GRID1: variants seen among roughly 807,000 people sequenced by gnomAD.
GRID1 encodes the protein glutamate ionotropic receptor delta type subunit 1.
In GRID1, 28 loss-of-function variants were observed where a neutral mutation model predicts 98.0. The observed-to-expected ratio is 0.29, with a 90% CI of 0.21 to 0.39. GRID1 has a LOEUF of 0.39. Ranked by LOEUF, GRID1 falls within the 10% of genes least tolerant of loss-of-function variation. The probability of loss-of-function intolerance (pLI) is 1.00; values close to 1 mark genes in which losing one functional copy is unlikely to be tolerated. For synonymous variants in GRID1, 553 were observed against 538.5 expected (o/e 1.03, Z -0.37); for missense variants, 1,111 against 1,340.5 (o/e 0.83, Z 2.67).
intron 2 of GRID1, among the ~76,000 whole-genome samples, chr10:86,262,056 G>GT (rs763801782): frequency 2.0e-5 from 3 of 152,196 alleles, no homozygotes; most frequent in Non-Finnish European, 4.4e-5. Context: ...TGTGTCCAGC[G>GT]TAACACAGCC....
chr10:86,188,038 A>C (rs1845749997), intron 3 of GRID1, among the ~76,000 whole-genome samples: 1 of 152,206 alleles, frequency 6.6e-6, no homozygotes, highest in Admixed American at 6.5e-5. Flanking sequence ...TGCCCTGTCC[A>C]TCCTCTGCAG....
At chr10:85,684,643 T>C (rs1841248280) in intron 12 of GRID1, among the ~76,000 whole-genome samples, 3 of 152,156 alleles carry the variant, frequency 2.0e-5, no homozygotes, top group Admixed American at 2.0e-4. Flanking sequence ...AATGGCAAAA[T>C]ACTAAAAGCT....
At chr10:86,338,160 T>C (rs1023953677) in intron 2 of GRID1, among the ~76,000 whole-genome samples, 4 of 152,146 alleles carry the variant, frequency 2.6e-5, no homozygotes, top group Non-Finnish European at 5.9e-5. Flanking sequence ...CCATCCCTGG[T>C]AACACTCATT....
intron 8 of GRID1, among the ~76,000 whole-genome samples, chr10:85,771,393 G>T (rs894703557): frequency 6.6e-6 from 1 of 152,050 alleles, no homozygotes; most frequent in African/African-American, 2.4e-5. Context: ...GACCATCGAG[G>T]CTAGGAAGAA....
chr10:85,879,490 T>G (rs1840965503), intron 5 of GRID1, among the ~76,000 whole-genome samples: 2 of 152,198 alleles, frequency 1.3e-5, no homozygotes, highest in South Asian at 2.1e-4. Flanking sequence ...CTGAACTACA[T>G]GGAAACTGAA....
intron 2 of GRID1, among the ~76,000 whole-genome samples, chr10:86,333,428 A>T (rs1279172006): frequency 6.6e-6 from 1 of 152,234 alleles, no homozygotes; most frequent in African/African-American, 2.4e-5. Flanking sequence ...GAACATTTTG[A>T]GGAAAGGAGT....
intron 15 of GRID1, among the ~76,000 whole-genome samples, chr10:85,611,480 A>G (rs1326260726): frequency 6.6e-6 from 1 of 151,964 alleles, no homozygotes; most frequent in East Asian, 1.9e-4. Flanking sequence ...CCACCTGGAG[A>G]CCCTCCCCTG....
intron 4 of GRID1, among the ~76,000 whole-genome samples, chr10:85,975,780 G>GCT (rs142038661): frequency 2.6e-5 from 4 of 152,110 alleles, no homozygotes; most frequent in African/African-American, 4.8e-5. Context: ...TCAAGGTCAA[G>GCT]CTCTCTCTCT....
chr10:85,747,317 T>C (rs1842006839), intron 8 of GRID1, among the ~76,000 whole-genome samples: 1 of 152,004 alleles, frequency 6.6e-6, no homozygotes, highest in Non-Finnish European at 1.5e-5. Context: ...GAAGAAGGAA[T>C]AAAAGAGAAA....
intron 3 of GRID1, among the ~76,000 whole-genome samples, chr10:86,191,205 C>G (rs1845798359): frequency 6.6e-6 from 1 of 152,124 alleles, no homozygotes. Flanking sequence ...GGCCCAGTAA[C>G]CTGGGGTGAG....
chr10:85,627,245 C>T (rs1338846261), intron 13 of GRID1, among the ~76,000 whole-genome samples: 1 of 152,224 alleles, frequency 6.6e-6, no homozygotes, highest in Non-Finnish European at 1.5e-5. Context: ...CGCTTGCTGC[C>T]TGTGCAGACA....
intron 12 of GRID1, among the ~76,000 whole-genome samples, chr10:85,716,916 G>A (rs186532626): frequency 3.3e-4 from 50 of 152,124 alleles, no homozygotes; most frequent in Non-Finnish European, 5.1e-4. Flanking sequence ...TCATAGAAGC[G>A]GAGAGTTTAT....
intron 8 of GRID1, among the ~76,000 whole-genome samples, chr10:85,813,932 C>A (rs998896737): frequency 6.6e-6 from 1 of 151,506 alleles, no homozygotes; most frequent in Non-Finnish European, 1.5e-5. Flanking sequence ...ATTAATGCTA[C>A]GTAAATCCCT....
chr10:86,288,188 A>G (rs1465896894), intron 2 of GRID1, among the ~76,000 whole-genome samples: 1 of 152,178 alleles, frequency 6.6e-6, no homozygotes, highest in East Asian at 1.9e-4. Context: ...ACTGGCCACG[A>G]ACCTGTTCAC....
Position 85,715,089 on chromosome 10 carries a change from T to A in GRID1, c.1997+7914A>T, listed in dbSNP as rs910563684. On this transcript the variant is annotated intron_variant, in intron 12 of 15. Coordinates refer to ENST00000327946, the MANE Select transcript of GRID1 (RefSeq NM_017551.3). The stretch of plus-strand genomic sequence containing the variant: ...ACAGCCTAGAAATAAATTCACACAT[T>A]TACAGTCAATTGATCTTTGACAAAG... Among the ~76,000 whole-genome samples, 6 of 152,046 alleles carry A rather than the reference T, an allele frequency of 3.9e-5. No individual in the cohort carries two copies. In the South Asian group the frequency reaches 1.2e-3, roughly 32 times the overall value.
intron 4 of GRID1, among the ~76,000 whole-genome samples, chr10:85,965,231 T>A (rs1340259750): frequency 3.0e-4 from 46 of 152,218 alleles, no homozygotes; most frequent in Non-Finnish European, 1.5e-5. Context: ...AGTGTGGCAA[T>A]TCCTCAAGGA....
intron 3 of GRID1, among the ~76,000 whole-genome samples, chr10:86,184,743 G>A (rs1369424610): frequency 1.3e-5 from 2 of 152,138 alleles, no homozygotes; most frequent in East Asian, 1.9e-4. Context: ...GATGATCTAT[G>A]TACAAAACTC....
At chr10:86,085,722 G>A (rs1019923868) in intron 4 of GRID1, among the ~76,000 whole-genome samples, 28 of 152,068 alleles carry the variant, frequency 1.8e-4, no homozygotes, top group Non-Finnish European at 3.5e-4. Context: ...CATATCCCTG[G>A]GGATCCCAGG....
chr10:86,353,458 C>T (rs1162282123), intron 2 of GRID1, among the ~76,000 whole-genome samples: 1 of 151,970 alleles, frequency 6.6e-6, no homozygotes, highest in African/African-American at 2.4e-5. Flanking sequence ...GCCCACCACA[C>T]CAGAGCCCCC....
Sources: allele counts gnomAD v4.1 joint callset (sites outside exome capture counted in the v4.1 genomes callset), GRCh38; gene constraint gnomAD v4.1.1; transcripts MANE v1.5; gene names NCBI Gene and HGNC (gene_info 2026-07-23, HGNC 2026-07-21).